Variants in SLC19A2 observed in about 807,000 individuals in gnomAD.
SLC19A2 encodes thiamine transporter 1.
SLC19A2 carries 27 observed loss-of-function variants against 44.7 expected under a neutral mutation model. That is an observed-to-expected ratio of 0.60 (90% CI 0.45 to 0.83). The LOEUF (loss-of-function observed/expected upper bound fraction) is 0.83, where lower values mean the gene tolerates loss of function less well. Ranked by LOEUF, SLC19A2 falls within the 40% of genes least tolerant of loss-of-function variation. The pLI is 0.00. For synonymous variants in SLC19A2, 239 were observed against 243.6 expected (o/e 0.98, Z 0.18); for missense variants, 566 against 613.7 (o/e 0.92, Z 0.82).
Position 169,465,657 on chromosome 1 carries a change from A to C in SLC19A2, c.*192T>G. The C allele has an allele frequency of 3.3e-6, 2 of 608,422 alleles. No homozygotes were observed. The highest frequency in any genetic ancestry group is 5.8e-6 in the Non-Finnish European group (2 of 347,386). The allele number at this position is 608,422 out of a possible 1,614,324, so 37.7% of individuals were successfully genotyped here. ...AATTAGCTCTCATAAATAATCCATG[A>C]AATAAACTTTACTTCTGGCTCCTCT... On this transcript the variant is annotated 3_prime_UTR_variant, in exon 6 of 6. Coordinates refer to ENST00000236137, the MANE Select transcript of SLC19A2 (RefSeq NM_006996.3).
intron 2 of SLC19A2, among the ~76,000 whole-genome samples, chr1:169,476,470 G>A (rs1029258138): frequency 8.5e-5 from 13 of 152,172 alleles, no homozygotes; most frequent in African/African-American, 2.7e-4. Context: ...TGTAATCCCA[G>A]CACTTTGGGA....
intron 1 of SLC19A2, among the ~76,000 whole-genome samples, chr1:169,483,049 T>C (rs917718999): frequency 1.3e-5 from 2 of 152,228 alleles, no homozygotes; most frequent in Admixed American, 6.5e-5. Context: ...ACTATTAACA[T>C]ACAGTCAAAT....
At chr1:169,473,156 C>A (rs1403874043) in intron 2 of SLC19A2, among the ~76,000 whole-genome samples, 1 of 152,114 alleles carries the variant, frequency 6.6e-6, no homozygotes, top group African/African-American at 2.4e-5. Context: ...AAATCTTTAA[C>A]AATTACTTCC....
intron 2 of SLC19A2, among the ~76,000 whole-genome samples, chr1:169,471,234 T>C (rs1658169044): frequency 1.3e-5 from 2 of 152,182 alleles, no homozygotes; most frequent in Middle Eastern, 3.4e-3. Context: ...CATATGTATA[T>C]AGGAAAAGAG....
intron 5 of SLC19A2, among the ~76,000 whole-genome samples, chr1:169,467,239 T>G (rs1658014103): frequency 6.6e-6 from 1 of 152,198 alleles, no homozygotes; most frequent in Admixed American, 6.5e-5. Context: ...GGTTTAACTC[T>G]AAGCTCTGGA....
rs1417115478 is a variant in SLC19A2 at position 169,485,241 on chromosome 1, C to G, written c.204+322G>C. Among the ~76,000 whole-genome samples, 5 of 152,220 alleles carry G rather than the reference C, an allele frequency of 3.3e-5. No individual in the cohort carries two copies. The South Asian group carries it at 8.3e-4, about 25-fold the overall frequency. The stretch of plus-strand genomic sequence containing the variant: ...CACTTCTTTGTCAAAATATTGCCCC[C>G]TCGCCCCCAGCAGGAACTGCTGGAC... On this transcript the variant is annotated intron_variant, in intron 1 of 5. Coordinates refer to ENST00000236137, the MANE Select transcript of SLC19A2 (RefSeq NM_006996.3).
intron 5 of SLC19A2, among the ~76,000 whole-genome samples, chr1:169,466,724 C>T (rs760517072): frequency 1.2e-4 from 18 of 152,074 alleles, no homozygotes; most frequent in Non-Finnish European, 2.2e-4. Flanking sequence ...TGTTGTTCCC[C>T]TCCCTGTGTC....
intron 2 of SLC19A2, among the ~76,000 whole-genome samples, chr1:169,470,945 G>A (rs1308283289): frequency 2.6e-5 from 4 of 152,048 alleles, no homozygotes; most frequent in East Asian, 3.9e-4. Flanking sequence ...TGGGAAGGCC[G>A]GGTGTAGTGA....
chr1:169,469,813 T>C, intron 3 of SLC19A2, 151 bp downstream of exon 3: 1 of 750,004 alleles, frequency 1.3e-6, no homozygotes, highest in East Asian at 2.7e-5. Context: ...ACTTCTAAGT[T>C]GTCCTCCTAA....
At position 169,465,451 on chromosome 1, in the gene SLC19A2, CT is replaced by C. The variant is rs1489249026; in HGVS notation, c.*397del. Reference sequence around the variant, plus strand: ...ATCATGACTTGCAACATTTTGTGGCCTCTGTGGAGCCCTGGTCCCACCAGGC... The same window carrying C: ...ATCATGACTTGCAACATTTTGTGGCCCTGTGGAGCCCTGGTCCCACCAGGC... On this transcript the variant is annotated 3_prime_UTR_variant, in exon 6 of 6. Transcript: ENST00000236137. 4.9e-6 allele frequency: 1 copy of C among 204,754 alleles called. No individual in the cohort carries two copies. The highest frequency in any genetic ancestry group is 1.0e-5 in the Non-Finnish European group (1 of 99,866). The allele number at this position is 204,754 out of a possible 1,614,324, so 12.7% of individuals were successfully genotyped here.
chr1:169,471,277 GGTA>G (rs1557889752), intron 2 of SLC19A2, among the ~76,000 whole-genome samples: 1 of 151,976 alleles, frequency 6.6e-6, no homozygotes, highest in Non-Finnish European at 1.5e-5. Flanking sequence ...ATCTTTGGGT[GGTA>G]GTAGTTCAGG....
Position 169,468,728 on chromosome 1 carries a change from A to AC in SLC19A2, c.1138_1139insG (p.Met380SerfsTer6). The AC allele has an allele frequency of 6.2e-7, 1 of 1,613,900 alleles. No individual in the cohort carries two copies. The highest frequency in any genetic ancestry group is 8.5e-7 in the Non-Finnish European group (1 of 1,179,792). On this transcript the variant is annotated frameshift_variant, in exon 4 of 6. Coordinates refer to ENST00000236137, the MANE Select transcript of SLC19A2 (RefSeq NM_006996.3). LOFTEE classifies it high-confidence loss of function. ...CACCCAAATGTTACCCACAGTGTCC[A>AC]TGATATACACTGCAGCAGCAATCAG... is the stretch of plus-strand genomic sequence containing the variant.
chr1:169,485,870 T>A lies in SLC19A2; in HGVS notation c.-104A>T. On this transcript the variant is annotated 5_prime_UTR_variant, in exon 1 of 6. Transcript: ENST00000236137. Reference sequence around the variant, plus strand: ...GTAACCGCGAGTGACGCCTTCTCCCTGTAAGGCCAGGACGTTCTGGACTCG... The same window carrying A: ...GTAACCGCGAGTGACGCCTTCTCCCAGTAAGGCCAGGACGTTCTGGACTCG... 5 of 1,307,646 alleles carry A rather than the reference T, an allele frequency of 3.8e-6. No individual in the cohort carries two copies. The highest frequency in any genetic ancestry group is 5.1e-6 in the Non-Finnish European group (5 of 974,112). The allele number at this position is 1,307,646 out of a possible 1,614,324, so 81.0% of individuals were successfully genotyped here.
chr1:169,468,345 C>T, intron 4 of SLC19A2, 93 bp from the exon 5 acceptor site: 1 of 1,109,512 alleles, frequency 9.0e-7, no homozygotes, highest in South Asian at 1.5e-5. Context: ...TATCTTTAAA[C>T]ATGAAGAGTC....
At position 169,465,708 on chromosome 1, in the gene SLC19A2, C is replaced by T. The variant is rs566226584; in HGVS notation, c.*141G>A. 159 of 843,568 alleles carry T rather than the reference C, an allele frequency of 1.9e-4. 1 individual carries two copies. The South Asian group carries it at 2.2e-3, about 12-fold the overall frequency. 52.3% of individuals were successfully genotyped at this position (843,568 alleles called of 1,614,324 possible). A position where few individuals can be genotyped will look rare whatever the true frequency, so the allele number is the denominator to read the frequency against. On this transcript the variant is annotated 3_prime_UTR_variant, in exon 6 of 6. Transcript: ENST00000236137. ...GAATAGTATCATGTTATTCCCGGAA[C>T]ACAAGGTATTAGTCAAGTGGCTGCT...
intron 1 of SLC19A2, among the ~76,000 whole-genome samples, chr1:169,478,053 C>T (rs146142463): frequency 1.1e-4 from 17 of 152,068 alleles, no homozygotes; most frequent in African/African-American, 4.1e-4. Flanking sequence ...ATTACAGGGA[C>T]CCACCATCAC....
intron 3 of SLC19A2, 130 bp from the exon 4 acceptor site, chr1:169,468,966 A>C (rs1658102328): frequency 3.8e-6 from 3 of 780,720 alleles, no homozygotes; most frequent in Admixed American, 5.1e-5. Flanking sequence ...AAGATTATGG[A>C]GGGCCTTGAA....
rs375822491 is a variant in SLC19A2, at chr1:169,468,168, C to A, written c.1308G>T (p.Thr436=). The A allele has an allele frequency of 3.6e-5, 58 of 1,613,762 alleles. No homozygotes were observed. The highest frequency in any genetic ancestry group is 4.8e-5 in the Non-Finnish European group (57 of 1,179,854). The stretch of plus-strand genomic sequence containing the variant: ...CATCTACCACAATTAGAGTGAGCAG[C>A]GTCTGCAGTGCCAGGGCAATGAAGG... ...VNTFIALALQ[T]LLTLIVVDAS... The change falls in exon 5 of 6, where the codon ACG becomes ACT. Residue 436 remains threonine (T), a synonymous_variant. Transcript: ENST00000236137.
At chr1:169,469,656 A>G (rs962249715) in intron 3 of SLC19A2, among the ~76,000 whole-genome samples, 12 of 152,210 alleles carry the variant, frequency 7.9e-5, no homozygotes, top group African/African-American at 2.9e-4. Context: ...TTGCCATTCA[A>G]AATTTCACAT....
Sources: gnomAD v4.1 joint callset for allele counts (sites outside exome capture counted in the v4.1 genomes callset) on GRCh38, gnomAD v4.1.1 for gene constraint, MANE v1.5 for transcripts, NCBI Gene and HGNC (gene_info 2026-07-23, HGNC 2026-07-21) for gene names.